CDYL2: variants seen among roughly 807,000 people sequenced by gnomAD.
The protein encoded by CDYL2 is chromodomain Y like 2, also known as chromodomain Y-like protein 2.
Under a neutral mutation model 49.4 loss-of-function variants are expected in CDYL2, and 23 were observed. That is an observed-to-expected ratio of 0.47 (90% CI 0.34 to 0.66). The LOEUF is 0.66. Ranked by LOEUF, CDYL2 falls within the 30% of genes least tolerant of loss-of-function variation. The pLI, the probability that CDYL2 is intolerant of heterozygous loss-of-function variation, is 0.01. For missense variants in CDYL2, 678 were observed against 656.4 expected, an observed-to-expected ratio of 1.03 and a Z score of -0.36; for synonymous variants, 360 against 268.8, an observed-to-expected ratio of 1.34 and a Z score of -3.32.
intron 1 of CDYL2, among the ~76,000 whole-genome samples, chr16:80,716,342 A>C (rs1249754063): frequency 6.6e-6 from 1 of 152,222 alleles, no homozygotes; most frequent in African/African-American, 2.4e-5. Context: ...TGCTCACACT[A>C]TATGCCAAGA....
rs1336499923 is a variant in CDYL2, at chr16:80,603,708, G to C, written c.*680C>G. ...CAAGGAAAGAAAAAACATTTCCCTA[G>C]TAGTTTGTTTTTGCAAAACTAGCTT... On this transcript the variant is annotated 3_prime_UTR_variant, in exon 7 of 7. Transcript: ENST00000570137. The C allele has an allele frequency of 2.0e-5, 3 of 152,568 alleles. No individual in the cohort carries two copies. The highest frequency in any genetic ancestry group is 7.2e-5 in the African/African-American group (3 of 41,418). The allele number at this position is 152,568 out of a possible 1,614,324, so 9.5% of individuals were successfully genotyped here.
chr16:80,791,159 G>A (rs1213241392), intron 1 of CDYL2, among the ~76,000 whole-genome samples: 2 of 152,112 alleles, frequency 1.3e-5, no homozygotes, highest in Non-Finnish European at 2.9e-5. Context: ...CACAAAGATG[G>A]ATGCTTTCGG....
intron 1 of CDYL2, among the ~76,000 whole-genome samples, chr16:80,771,239 G>C (rs147202440): frequency 6.6e-6 from 1 of 152,072 alleles, no homozygotes; most frequent in East Asian, 1.9e-4. Flanking sequence ...CAAATGCAAT[G>C]TCAAGTATAC....
intron 1 of CDYL2, among the ~76,000 whole-genome samples, chr16:80,801,630 G>A (rs570378837): frequency 6.6e-6 from 1 of 152,304 alleles, no homozygotes; most frequent in South Asian, 2.1e-4. Flanking sequence ...GTACACTTTA[G>A]TATAATATTT....
At chr16:80,657,217 T>TA (rs1908850981) in intron 2 of CDYL2, among the ~76,000 whole-genome samples, 1 of 152,220 alleles carries the variant, frequency 6.6e-6, no homozygotes, top group Non-Finnish European at 1.5e-5. Flanking sequence ...ACAAGGACTT[T>TA]AAAATAGGAA....
At chr16:80,794,029 G>A (rs796867806) in intron 1 of CDYL2, among the ~76,000 whole-genome samples, 15 of 152,270 alleles carry the variant, frequency 9.9e-5, no homozygotes, top group African/African-American at 3.1e-4. Flanking sequence ...GGAATCTCAG[G>A]ATATTCTTCA....
chr16:80,777,147 A>C (rs1159364526), intron 1 of CDYL2, among the ~76,000 whole-genome samples: 1 of 152,156 alleles, frequency 6.6e-6, no homozygotes, highest in Non-Finnish European at 1.5e-5. Flanking sequence ...TAAAGTCAAG[A>C]AAATAAGCAG....
chr16:80,759,133 T>TATATGGTTTATATATATATAA (rs1906435415), intron 1 of CDYL2, among the ~76,000 whole-genome samples: 1 of 135,558 alleles, frequency 7.4e-6, no homozygotes, highest in Non-Finnish European at 1.6e-5. Flanking sequence ...TATATATATA[T>TATATGGTTTATATATATATAA]ATATATGGTT....
chr16:80,744,249 T>G (rs1259000294), intron 1 of CDYL2, among the ~76,000 whole-genome samples: 1 of 152,098 alleles, frequency 6.6e-6, no homozygotes, highest in African/African-American at 2.4e-5. Context: ...GGTTAGCACA[T>G]GTGTACTGCT....
chr16:80,712,183 C>CTGTGTG (rs1242735654), intron 1 of CDYL2, among the ~76,000 whole-genome samples: 2 of 27,602 alleles, frequency 7.2e-5, no homozygotes, highest in Non-Finnish European at 1.3e-4. Context: ...GTCTTTGTGT[C>CTGTGTG]TGTGTGTGTA....
At chr16:80,695,185 A>G (rs1910571990) in intron 1 of CDYL2, among the ~76,000 whole-genome samples, 1 of 152,264 alleles carries the variant, frequency 6.6e-6, no homozygotes, top group Admixed American at 6.5e-5. Context: ...TCTATGTAAT[A>G]TCTGTGGCTG....
intron 2 of CDYL2, among the ~76,000 whole-genome samples, chr16:80,682,235 A>G (rs930743): frequency 0.49 from 74,689 of 152,052 alleles, 20,360 homozygotes; most frequent in Middle Eastern, 0.65. Flanking sequence ...AGAACAAAAT[A>G]GAGGCCAGCA....
At chr16:80,736,230 T>G (rs1905523411) in intron 1 of CDYL2, 1 of 152,232 alleles carries the variant, frequency 6.6e-6, no homozygotes, top group Non-Finnish European at 1.5e-5. Flanking sequence ...TCACACTGTT[T>G]CAGAGCCCTT....
At position 80,652,339 on chromosome 16, in the gene CDYL2, G is replaced by C. The variant is rs572428720; in HGVS notation, c.617-19103C>G. On this transcript the variant is annotated intron_variant, in intron 2 of 6. Coordinates refer to ENST00000570137, the MANE Select transcript of CDYL2 (RefSeq NM_152342.4). Reference sequence around the variant, plus strand: ...AAGGACACACGAGCCACCTAAAAGAGCTGTTAATGGCCAAAGATGGAACAA... The same window carrying C: ...AAGGACACACGAGCCACCTAAAAGACCTGTTAATGGCCAAAGATGGAACAA... Among the ~76,000 whole-genome samples, 7 of 152,310 alleles carry C rather than the reference G, an allele frequency of 4.6e-5. No homozygotes were observed. In the East Asian group the frequency reaches 1.2e-3, roughly 25 times the overall value.
chr16:80,742,612 G>C (rs567003089), intron 1 of CDYL2, among the ~76,000 whole-genome samples: 3 of 151,216 alleles, frequency 2.0e-5, no homozygotes, highest in South Asian at 2.1e-4. Context: ...GATGGATGGA[G>C]AATGAATGGA....
At chr16:80,659,581 A>G (rs1452529363) in intron 2 of CDYL2, among the ~76,000 whole-genome samples, 6 of 152,088 alleles carry the variant, frequency 3.9e-5, no homozygotes, top group Admixed American at 3.3e-4. Flanking sequence ...AACAATTTGT[A>G]TATAGTTTAT....
In CDYL2 at chr16:80,603,184, T is replaced by A. The variant is rs1906172182; in HGVS notation, c.*1204A>T. On this transcript the variant is annotated 3_prime_UTR_variant, in exon 7 of 7. Coordinates refer to ENST00000570137, the MANE Select transcript of CDYL2 (RefSeq NM_152342.4). The stretch of plus-strand genomic sequence containing the variant: ...AACTCTTCCCCATCCCCCTGGCCAA[T>A]ACCAGAAATCACTGATCACATGGAA... 6.6e-6 allele frequency: 1 copy of A among 152,226 alleles called. No homozygotes were observed. The highest frequency in any genetic ancestry group is 1.5e-5 in the Non-Finnish European group (1 of 68,046). 9.4% of individuals were successfully genotyped at this position (152,226 alleles called of 1,614,324 possible).
rs946644054 is a variant in CDYL2, at chr16:80,792,843, C to T, written c.24+11307G>A. Among the ~76,000 whole-genome samples the T allele has an allele frequency of 6.6e-5, 10 of 152,246 alleles. No homozygotes were observed. In the East Asian group the frequency reaches 1.2e-3, roughly 18 times the overall value. On this transcript the variant is annotated intron_variant, in intron 1 of 6. Coordinates refer to ENST00000570137, the MANE Select transcript of CDYL2 (RefSeq NM_152342.4). ...TGCCCTCTGCCACAGGTAACTACTC[C>T]GCCCAAGTCTATACCCCTTCCCATG...
intron 1 of CDYL2, among the ~76,000 whole-genome samples, chr16:80,731,314 A>G (rs971415322): frequency 1.3e-5 from 2 of 152,204 alleles, no homozygotes; most frequent in Non-Finnish European, 2.9e-5. Context: ...TAAGACAGTA[A>G]CACAATCAGA....
Sources: allele counts gnomAD v4.1 joint callset (sites outside exome capture counted in the v4.1 genomes callset), GRCh38; gene constraint gnomAD v4.1.1; transcripts MANE v1.5; gene names NCBI Gene and HGNC (gene_info 2026-07-23, HGNC 2026-07-21).